The following DPP10 variants were observed in gnomAD, a reference collection of about 807,000 sequenced individuals.
DPP10 encodes the protein inactive dipeptidyl peptidase 10.
Under a neutral mutation model 120.9 loss-of-function variants are expected in DPP10, and 33 were observed. That is an observed-to-expected ratio of 0.27 (90% CI 0.21 to 0.37). The LOEUF (loss-of-function observed/expected upper bound fraction) is 0.37. DPP10 is among the 10% of genes least tolerant of loss of function. DPP10 has a pLI of 1.00. For missense variants in DPP10, 816 were observed against 942.8 expected, an observed-to-expected ratio of 0.87 and a Z score of 1.76; for synonymous variants, 337 against 326.1, an observed-to-expected ratio of 1.03 and a Z score of -0.36.
intron 1 of DPP10, among the ~76,000 whole-genome samples, chr2:115,248,545 G>A (rs1218528457): frequency 6.6e-6 from 1 of 152,048 alleles, no homozygotes; most frequent in South Asian, 2.1e-4. Context: ...TTATTACAGA[G>A]GGAATTGTGT....
In DPP10 at chr2:115,827,688, C is replaced by T. The variant is rs990926004; in HGVS notation, c.1951-8469C>T. Among the ~76,000 whole-genome samples, 34 of 149,858 alleles carry T rather than the reference C, an allele frequency of 2.3e-4. 1 individual carries two copies. The highest frequency in any genetic ancestry group is 7.1e-4 in the African/African-American group (29 of 40,690). ...TCGGCTCACTGCAATCTCCACCTCCCGAGTTCAAGCGATTCTCCTGCCTCA... is the reference window on the plus strand; with the variant it reads ...TCGGCTCACTGCAATCTCCACCTCCTGAGTTCAAGCGATTCTCCTGCCTCA... On this transcript the variant is annotated intron_variant, in intron 21 of 25. Coordinates refer to ENST00000410059, the MANE Select transcript of DPP10 (RefSeq NM_020868.6).
At chr2:114,689,846 T>C (rs1032783908) in intron 1 of DPP10, among the ~76,000 whole-genome samples, 3 of 152,162 alleles carry the variant, frequency 2.0e-5, no homozygotes, top group Non-Finnish European at 2.9e-5. Flanking sequence ...TGAGCTTTTT[T>C]TTTCATATGT....
chr2:115,145,073 G>A (rs1347129563), intron 1 of DPP10: 1 of 151,808 alleles, frequency 6.6e-6, no homozygotes, highest in Non-Finnish European at 1.5e-5. Context: ...CCTTTGCCTT[G>A]CGATCAAAAA....
At chr2:114,781,513 A>C (rs184884703) in intron 1 of DPP10, among the ~76,000 whole-genome samples, 2 of 152,262 alleles carry the variant, frequency 1.3e-5, no homozygotes, top group East Asian at 1.9e-4. Flanking sequence ...AGGCATTTGA[A>C]AAGATTCATT....
intron 7 of DPP10, among the ~76,000 whole-genome samples, chr2:115,691,775 A>G (rs1421297027): frequency 1.3e-5 from 2 of 152,106 alleles, no homozygotes; most frequent in African/African-American, 4.8e-5. Flanking sequence ...CATCTTAGTG[A>G]TACTGAATCT....
chr2:114,705,308 T>A (rs10193004), intron 1 of DPP10, among the ~76,000 whole-genome samples: 111 of 152,296 alleles, frequency 7.3e-4, no homozygotes, highest in African/African-American at 2.6e-3. Context: ...GGATGTACTA[T>A]AAATTTATCT....
intron 3 of DPP10, among the ~76,000 whole-genome samples, chr2:115,467,303 T>A (rs948481377): frequency 1.3e-5 from 2 of 152,088 alleles, no homozygotes; most frequent in Non-Finnish European, 2.9e-5. Context: ...GGCTCACGTC[T>A]GTAATCCCAG....
At chr2:114,572,587 T>C (rs1179177463) in intron 1 of DPP10, among the ~76,000 whole-genome samples, 3 of 152,184 alleles carry the variant, frequency 2.0e-5, no homozygotes, top group African/African-American at 7.2e-5. Flanking sequence ...TCCCGTGACA[T>C]GTGCTAAATG....
chr2:115,244,271 GA>G lies in DPP10; in HGVS notation c.61-64967del, dbSNP rs2058431190. ...AGAGAGAGAGAGAGAGAGAGAGAGAGAGAGAGAGAGACATATATATGAATGA... is the reference window on the plus strand; with the variant it reads ...AGAGAGAGAGAGAGAGAGAGAGAGAGGAGAGAGAGACATATATATGAATGA... On this transcript the variant is annotated intron_variant, in intron 1 of 25. Coordinates refer to ENST00000410059, the MANE Select transcript of DPP10 (RefSeq NM_020868.6). 1.4e-4 allele frequency among the ~76,000 whole-genome samples: 16 copies of G among 112,680 alleles called. No homozygotes were observed. In the South Asian group the frequency reaches 4.7e-3, roughly 33 times the overall value. The allele number at this position is 112,680 out of a possible 152,430, so 73.9% of individuals were successfully genotyped here.
chr2:114,847,652 A>G (rs770947050), intron 1 of DPP10, among the ~76,000 whole-genome samples: 5 of 152,310 alleles, frequency 3.3e-5, no homozygotes, highest in South Asian at 2.1e-4. Flanking sequence ...AGCCTTTTGC[A>G]TGAGTGTAAT....
chr2:114,535,931 G>A (rs1686447519), intron 1 of DPP10, among the ~76,000 whole-genome samples: 1 of 152,108 alleles, frequency 6.6e-6, no homozygotes, highest in African/African-American at 2.4e-5. Context: ...ATCCATGGCA[G>A]ACTCCAGGCA....
chr2:115,366,964 T>C (rs2065115891), intron 3 of DPP10, among the ~76,000 whole-genome samples: 1 of 152,022 alleles, frequency 6.6e-6, no homozygotes, highest in African/African-American at 2.4e-5. Context: ...GGACCTTATA[T>C]CCCGCAATAT....
intron 1 of DPP10, among the ~76,000 whole-genome samples, chr2:114,898,264 T>C (rs975467561): frequency 1.3e-5 from 2 of 150,050 alleles, no homozygotes; most frequent in South Asian, 2.1e-4. Flanking sequence ...AACCAAACAC[T>C]GCATATTCTC....
intron 1 of DPP10, among the ~76,000 whole-genome samples, chr2:114,597,118 G>A (rs914594451): frequency 7.9e-5 from 12 of 151,958 alleles, no homozygotes; most frequent in African/African-American, 2.9e-4. Flanking sequence ...GGTGCTTCAG[G>A]ATGCTCACTG....
At chr2:114,943,841 G>A (rs1426017719) in intron 1 of DPP10, among the ~76,000 whole-genome samples, 6 of 152,186 alleles carry the variant, frequency 3.9e-5, no homozygotes, top group Non-Finnish European at 8.8e-5. Flanking sequence ...TCTTTTCATT[G>A]TTTTTAAAAA....
chr2:115,026,258 T>C (rs2105211376), intron 1 of DPP10, among the ~76,000 whole-genome samples: 1 of 152,294 alleles, frequency 6.6e-6, no homozygotes, highest in East Asian at 1.9e-4. Context: ...TATTCAGCTT[T>C]TGAAGCACCA....
chr2:115,031,216 A>G lies in DPP10; in HGVS notation c.61-278023A>G, dbSNP rs1703818817. Among the ~76,000 whole-genome samples the G allele has an allele frequency of 2.0e-5, 3 of 152,192 alleles. No homozygotes were observed. The South Asian group carries it at 6.2e-4, about 31-fold the overall frequency. On this transcript the variant is annotated intron_variant, in intron 1 of 25. Transcript: ENST00000410059. ...GTCTTAGAAGAGTCATTCAGGGAGAATGATTTCCTCTGTCAATTCAATGTA... is the reference window on the plus strand; with the variant it reads ...GTCTTAGAAGAGTCATTCAGGGAGAGTGATTTCCTCTGTCAATTCAATGTA...
chr2:115,415,964 T>C (rs2677291), intron 3 of DPP10, among the ~76,000 whole-genome samples: 17,508 of 149,984 alleles, frequency 0.12, 1,324 homozygotes, highest in African/African-American at 0.2. Flanking sequence ...TAATCTAATT[T>C]TGGAATTGCA....
intron 1 of DPP10, among the ~76,000 whole-genome samples, chr2:114,603,188 C>G (rs1692510561): frequency 6.6e-6 from 1 of 151,946 alleles, no homozygotes; most frequent in Non-Finnish European, 1.5e-5. Context: ...TTACTACATG[C>G]CAGACTCTAT....
Sources: gnomAD v4.1 joint callset for allele counts (sites outside exome capture counted in the v4.1 genomes callset) on GRCh38, gnomAD v4.1.1 for gene constraint, MANE v1.5 for transcripts, NCBI Gene and HGNC (gene_info 2026-07-23, HGNC 2026-07-21) for gene names.